Variants in SNX29 observed in about 807,000 individuals in gnomAD.
SNX29 encodes the protein sorting nexin-29.
In SNX29, 78 loss-of-function variants were observed where a neutral mutation model predicts 102.1. That is an observed-to-expected ratio of 0.76 (90% CI 0.64 to 0.92). The LOEUF (loss-of-function observed/expected upper bound fraction) is 0.92. SNX29 is among the 40% of genes least tolerant of loss of function. The pLI is 0.00. For synonymous variants in SNX29, 580 were observed against 414.5 expected (o/e 1.40, Z -4.85); for missense variants, 1,280 against 1,061.7 (o/e 1.21, Z -2.86).
chr16:12,036,144 A>G (rs929452484), intron 4 of SNX29, among the ~76,000 whole-genome samples: 35 of 151,680 alleles, frequency 2.3e-4, no homozygotes, highest in Middle Eastern at 3.2e-3. Flanking sequence ...GTGCAATCAT[A>G]GCTCACTACA....
At chr16:12,356,053 C>A in intron 15 of SNX29, 110 bp from the exon 16 acceptor site, 1 of 927,422 alleles carries the variant, frequency 1.1e-6, no homozygotes, top group Non-Finnish European at 1.7e-6. Flanking sequence ...GCCCCAACAG[C>A]CTACAGATGT....
chr16:12,353,852 G>A (rs1785745529), intron 15 of SNX29, among the ~76,000 whole-genome samples: 1 of 152,196 alleles, frequency 6.6e-6, no homozygotes, highest in Non-Finnish European at 1.5e-5. Context: ...TAAACAGCAG[G>A]TGACAACATT....
At chr16:12,548,747 T>C (rs988512436) in intron 20 of SNX29, among the ~76,000 whole-genome samples, 1 of 152,172 alleles carries the variant, frequency 6.6e-6, no homozygotes, top group Non-Finnish European at 1.5e-5. Flanking sequence ...AGGTGTTTTC[T>C]GTGCTGAGCT....
rs1252528756 is a variant in SNX29, at chr16:12,036,335, T to G, written c.248-6562T>G. ...GGTTTTCTGTGTTTTTCTTTCTTTCTTTTTTTTTTTTTTTTTTGAGACAGA... is the reference window on the plus strand; with the variant it reads ...GGTTTTCTGTGTTTTTCTTTCTTTCGTTTTTTTTTTTTTTTTTGAGACAGA... On this transcript the variant is annotated intron_variant, in intron 4 of 20. Transcript: ENST00000566228. Among the ~76,000 whole-genome samples, 401 of 43,576 alleles carry G rather than the reference T, an allele frequency of 9.2e-3. 2 individuals are homozygous for G. Among genetic ancestry groups the G allele is most frequent in the African/African-American group, 0.031 (375 of 12,060 alleles). The allele number at this position is 43,576 out of a possible 152,430, so 28.6% of individuals were successfully genotyped here.
chr16:12,326,564 G>T (rs2081126316), intron 15 of SNX29, among the ~76,000 whole-genome samples: 1 of 152,110 alleles, frequency 6.6e-6, no homozygotes, highest in African/African-American at 2.4e-5. Context: ...TAAATGAATG[G>T]GTGGGATTGT....
intron 15 of SNX29, among the ~76,000 whole-genome samples, chr16:12,317,058 A>G (rs1278399500): frequency 6.6e-6 from 1 of 152,222 alleles, no homozygotes; most frequent in Non-Finnish European, 1.5e-5. Flanking sequence ...TTTGCCTCCT[A>G]CCTGCCCAGG....
At chr16:12,225,033 C>G (rs569790155) in intron 14 of SNX29, among the ~76,000 whole-genome samples, 1 of 152,186 alleles carries the variant, frequency 6.6e-6, no homozygotes, top group Non-Finnish European at 1.5e-5. Context: ...GGATCTTGAC[C>G]TCCTCTTACT....
chr16:12,533,063 C>T (rs551466420), intron 20 of SNX29, among the ~76,000 whole-genome samples: 1 of 142,780 alleles, frequency 7.0e-6, no homozygotes, highest in African/African-American at 2.4e-5. Context: ...ACGATGGTGC[C>T]TTTGCAAGCC....
chr16:12,540,727 C>T (rs2077295491), intron 20 of SNX29, among the ~76,000 whole-genome samples: 2 of 152,194 alleles, frequency 1.3e-5, no homozygotes, highest in African/African-American at 4.8e-5. Flanking sequence ...GGATGAAGAG[C>T]TGGGCATCCT....
chr16:12,097,972 G>A (rs1263937189), intron 11 of SNX29, among the ~76,000 whole-genome samples: 1 of 152,238 alleles, frequency 6.6e-6, no homozygotes, highest in African/African-American at 2.4e-5. Context: ...CTGGAGGAGA[G>A]CACCCCAGGC....
rs186366435 is a variant in SNX29 at position 12,212,070 on chromosome 16, C to G, written c.1678+12387C>G. 5.3e-5 allele frequency among the ~76,000 whole-genome samples: 8 copies of G among 152,108 alleles called. No individual in the cohort carries two copies. In the South Asian group the frequency reaches 1.5e-3, roughly 28 times the overall value. On this transcript the variant is annotated intron_variant, in intron 14 of 20. Coordinates refer to ENST00000566228, the MANE Select transcript of SNX29 (RefSeq NM_032167.5). ...TGAAGTTTATTCTCTCAGACGTGTT[C>G]TAGGGATAGTGTATGTTGCCTCTCC...
chr16:12,176,056 A>G (rs1290158016), intron 13 of SNX29, among the ~76,000 whole-genome samples: 1 of 152,066 alleles, frequency 6.6e-6, no homozygotes, highest in Non-Finnish European at 1.5e-5. Context: ...ATCAGGGGAC[A>G]CACTGGCAGA....
At chr16:12,009,905 A>G (rs938305502) in intron 3 of SNX29, among the ~76,000 whole-genome samples, 1 of 152,232 alleles carries the variant, frequency 6.6e-6, no homozygotes, top group Non-Finnish European at 1.5e-5. Context: ...TTTGTCCCAT[A>G]CGGAATCAGA....
intron 15 of SNX29, among the ~76,000 whole-genome samples, chr16:12,279,147 G>A (rs2151017901): frequency 6.6e-6 from 1 of 152,270 alleles, no homozygotes; most frequent in East Asian, 1.9e-4. Flanking sequence ...AAGTATACAA[G>A]CAAACTTTCG....
intron 3 of SNX29, among the ~76,000 whole-genome samples, chr16:12,013,500 A>AAAAATAT: frequency 5.4e-4 from 17 of 31,620 alleles, no homozygotes; most frequent in South Asian, 2.8e-3. Flanking sequence ...AAAAAAAAAA[A>AAAAATAT]ATATATATAT....
At chr16:12,149,139 G>A (rs1462376083) in intron 13 of SNX29, among the ~76,000 whole-genome samples, 1 of 152,228 alleles carries the variant, frequency 6.6e-6, no homozygotes, top group African/African-American at 2.4e-5. Flanking sequence ...TTGTTCTGCT[G>A]TGTTTGGCTT....
chr16:12,444,886 C>T (rs1452735042), intron 18 of SNX29, among the ~76,000 whole-genome samples: 1 of 141,282 alleles, frequency 7.1e-6, no homozygotes, highest in Non-Finnish European at 1.5e-5. Context: ...GACAGAGTCT[C>T]AGTCATCCAG....
At chr16:12,338,321 C>T (rs2151244411) in intron 15 of SNX29, among the ~76,000 whole-genome samples, 1 of 152,198 alleles carries the variant, frequency 6.6e-6, no homozygotes, top group East Asian at 1.9e-4. Flanking sequence ...ACACTCTGTT[C>T]AGAACCCTGG....
At chr16:12,157,801 A>C (rs932437019) in intron 13 of SNX29, among the ~76,000 whole-genome samples, 1 of 152,130 alleles carries the variant, frequency 6.6e-6, no homozygotes, top group African/African-American at 2.4e-5. Flanking sequence ...GACAGTGTGC[A>C]GGGCCATTCT....
Sources: gnomAD v4.1 joint callset for allele counts (sites outside exome capture counted in the v4.1 genomes callset) on GRCh38, gnomAD v4.1.1 for gene constraint, MANE v1.5 for transcripts, NCBI Gene and HGNC (gene_info 2026-07-23, HGNC 2026-07-21) for gene names.